Variants in MAX observed in about 807,000 individuals in gnomAD.
MAX encodes MYC associated transcriptional regulator X, also known as protein max.
A neutral mutation model predicts 22.3 loss-of-function variants in MAX; 3 were observed. The observed-to-expected ratio is 0.13, with a 90% CI of 0.06 to 0.35. The LOEUF is 0.35. MAX is among the 10% of genes least tolerant of loss of function. The pLI is 1.00. For synonymous variants in MAX, 72 were observed against 77.7 expected (o/e 0.93, Z 0.39); for missense variants, 119 against 209.4 (o/e 0.57, Z 2.66).
In MAX at chr14:65,101,611, AG is replaced by A. The variant is rs1373751420; in HGVS notation, c.37-40del. 4.1e-6 allele frequency: 6 copies of A among 1,465,250 alleles called. No homozygotes were observed. In the South Asian group the frequency reaches 7.2e-5, roughly 18 times the overall value. The allele number at this position is 1,465,250 out of a possible 1,614,324, so 90.8% of individuals were successfully genotyped here. ...GAAAAAAAAAAATAGAAAATATAGA[AG>A]TTATTTTTACACTTAACATTCAATA... On this transcript the variant is annotated intron_variant, in intron 1 of 4. Coordinates refer to ENST00000358664, the MANE Select transcript of MAX (RefSeq NM_002382.5).
chr14:65,022,616 C>T (rs1011657162), intron 3 of MAX, among the ~76,000 whole-genome samples: 1 of 151,996 alleles, frequency 6.6e-6, no homozygotes, highest in African/African-American at 2.4e-5. Flanking sequence ...ATCCTCCTGC[C>T]TTGGCCTCCC....
chr14:65,012,141 CT>C lies in MAX; in HGVS notation c.172-5858del. 2 of 654,736 alleles carry C rather than the reference CT, an allele frequency of 3.1e-6. No individual in the cohort carries two copies. Among genetic ancestry groups the C allele is most frequent in the Non-Finnish European group, 5.1e-6 (2 of 389,858 alleles). 40.6% of individuals were successfully genotyped at this position (654,736 alleles called of 1,614,324 possible). A position where few individuals can be genotyped will look rare whatever the true frequency, so the allele number is the denominator to read the frequency against. Reference sequence around the variant, plus strand: ...TTTAGAGACATTCAGACAAGAGCTTCTTTTCTCTGGTTTAGTTGCTCTTTGG... The same window carrying C: ...TTTAGAGACATTCAGACAAGAGCTTCTTTCTCTGGTTTAGTTGCTCTTTGG... On this transcript the variant is annotated intron_variant, in intron 3 of 3. Transcript: ENST00000341653. This position sits in a 1 kb window ranked among gnomAD's most constrained non-coding sequence, Gnocchi z 5.0.
At chr14:65,006,219 A>G in exon 4 of MAX, 1 of 1,613,542 alleles carries the variant, frequency 6.2e-7, no homozygotes, top group South Asian at 1.1e-5. Context: ...CATGGCAGAA[A>G]ACAGTTGGAA....
intron 2 of MAX, among the ~76,000 whole-genome samples, chr14:65,101,061 G>C (rs990487887): frequency 5.9e-5 from 9 of 152,138 alleles, no homozygotes; most frequent in Non-Finnish European, 2.9e-5. Flanking sequence ...TTTTGCATTA[G>C]AATACCATGT....
At chr14:65,006,335 T>G (rs1465305546) in intron 3 of MAX, 1 of 1,605,088 alleles carries the variant, frequency 6.2e-7, no homozygotes, top group Non-Finnish European at 8.5e-7. Context: ...AGTCTTTCCC[T>G]TAACTGCTAA....
rs1467762773 is a variant in MAX at position 65,084,600 on chromosome 14, T to C, written c.172-6564A>G. Among the ~76,000 whole-genome samples the C allele has an allele frequency of 6.6e-6, 1 of 152,162 alleles. No homozygotes were observed. The highest frequency in any genetic ancestry group is 1.9e-4 in the East Asian group (1 of 5,204). ...CAGAAATCCAACTTCTTGGAGTCTA[T>C]GGAAATGGCTACATATACAGAGATG... On this transcript the variant is annotated intron_variant, in intron 3 of 4. Transcript: ENST00000358664. This position sits in a 1 kb window ranked among gnomAD's most constrained non-coding sequence, Gnocchi z 4.3.
At chr14:65,048,697 TAAA>T (rs2062541175) in intron 3 of MAX, among the ~76,000 whole-genome samples, 1 of 149,308 alleles carries the variant, frequency 6.7e-6, no homozygotes, top group South Asian at 2.1e-4. Flanking sequence ...TACAAAAAAT[TAAA>T]AACAGTTAAC....
chr14:65,053,486 G>A (rs1387972120), intron 3 of MAX: 1 of 733,986 alleles, frequency 1.4e-6, no homozygotes, highest in Non-Finnish European at 1.9e-6. Flanking sequence ...GGTTGTATGG[G>A]AAAAAGCACC....
chr14:65,013,329 T>A (rs2061713554), intron 3 of MAX, among the ~76,000 whole-genome samples: 3 of 151,320 alleles, frequency 2.0e-5, no homozygotes, highest in African/African-American at 7.3e-5. Flanking sequence ...TGTTTCCTTT[T>A]TTTTTTTTCT....
chr14:65,046,596 A>G (rs1159383910), intron 3 of MAX, among the ~76,000 whole-genome samples: 1 of 152,084 alleles, frequency 6.6e-6, no homozygotes, highest in African/African-American at 2.4e-5. Flanking sequence ...TGGCTGGGAG[A>G]AGGCCTGTGT....
intron 3 of MAX, among the ~76,000 whole-genome samples, chr14:65,085,733 C>T (rs2139811175): frequency 1.3e-5 from 2 of 152,236 alleles, no homozygotes; most frequent in Admixed American, 1.3e-4. Context: ...AAGGGGGGAA[C>T]TCAGGAAATA....
At chr14:65,095,988 C>T (rs976494339) in intron 2 of MAX, among the ~76,000 whole-genome samples, 3 of 152,156 alleles carry the variant, frequency 2.0e-5, no homozygotes, top group Non-Finnish European at 2.9e-5. Context: ...ATTCACTGAG[C>T]TCTGAAAGGA....
At chr14:65,070,530 G>A (rs1354936440), downstream of MAX, among the ~76,000 whole-genome samples, 1 of 152,234 alleles carries the variant, frequency 6.6e-6, no homozygotes, top group Non-Finnish European at 1.5e-5. The surrounding 1 kb of genome is among the most constrained non-coding windows in gnomAD (Gnocchi z 4.4). Context: ...ATCTAGCACA[G>A]GGCGCAGGAG....
At position 65,033,033 on chromosome 14, in the gene MAX, C is replaced by G. The variant is rs139312294; in HGVS notation, c.172-26749G>C. On this transcript the variant is annotated intron_variant, in intron 3 of 3. Coordinates refer to the MAX transcript ENST00000341653. Reference sequence around the variant, plus strand: ...CCAGTAATTCCACTCCCACAGAAACCCTTGCACACACGAATGGGAGAGAGG... The same window carrying G: ...CCAGTAATTCCACTCCCACAGAAACGCTTGCACACACGAATGGGAGAGAGG... 8.5e-5 allele frequency among the ~76,000 whole-genome samples: 13 copies of G among 152,210 alleles called. No homozygotes were observed. In the East Asian group the frequency reaches 2.5e-3, roughly 29 times the overall value.
Position 65,077,887 on chromosome 14 carries a change from G to T in MAX, c.295+26C>A. Reference sequence around the variant, plus strand: ...ACCTGGCTGGAGCACAGCAGGGCCAGCTGCCCCACGAGCTCGGGTGCTCAC... The same window carrying T: ...ACCTGGCTGGAGCACAGCAGGGCCATCTGCCCCACGAGCTCGGGTGCTCAC... On this transcript the variant is annotated intron_variant, in intron 4 of 4. Coordinates refer to ENST00000358664, the MANE Select transcript of MAX (RefSeq NM_002382.5). This position sits in a 1 kb window ranked among gnomAD's most constrained non-coding sequence, Gnocchi z 6.3. The T allele has an allele frequency of 6.2e-7, 1 of 1,614,212 alleles. No homozygotes were observed. Among genetic ancestry groups the T allele is most frequent in the Middle Eastern group, 1.6e-4 (1 of 6,062 alleles).
Position 65,012,046 on chromosome 14 carries a change from G to A in MAX, c.172-5762C>T, listed in dbSNP as rs1328924174. On this transcript the variant is annotated intron_variant, in intron 3 of 3. Coordinates refer to the MAX transcript ENST00000341653. The surrounding 1 kb of genome is among the most constrained non-coding windows in gnomAD (Gnocchi z 5.0). The stretch of plus-strand genomic sequence containing the variant: ...TGCGTGTGCTCATTGCGGCTTTTCC[G>A]TTAGCCCAAAGTCACTGCCTTTAGG... 5.4e-6 allele frequency: 2 copies of A among 367,338 alleles called. No individual in the cohort carries two copies. Among genetic ancestry groups the A allele is most frequent in the Non-Finnish European group, 1.0e-5 (2 of 192,554 alleles). 22.8% of individuals were successfully genotyped at this position (367,338 alleles called of 1,614,324 possible).
intron 3 of MAX, among the ~76,000 whole-genome samples, chr14:65,050,731 C>T (rs1194746307): frequency 2.6e-5 from 4 of 152,228 alleles, no homozygotes; most frequent in Non-Finnish European, 5.9e-5. Flanking sequence ...AGCAGGGCTA[C>T]TCCACAGGGA....
rs943156801 is a variant in MAX at position 65,032,466 on chromosome 14, C to T, written c.172-26182G>A. On this transcript the variant is annotated intron_variant, in intron 3 of 3. Transcript: ENST00000341653. The surrounding 1 kb of genome is among the most constrained non-coding windows in gnomAD (Gnocchi z 5.0). ...ATGTCACACCTCTCAGTTGGAGACC[C>T]AGGAGGACTGACCGTGTGCCAAGAG... is the stretch of plus-strand genomic sequence containing the variant. 1.5e-5 allele frequency: 11 copies of T among 735,400 alleles called. No individual in the cohort carries two copies. Among genetic ancestry groups the T allele is most frequent in the Non-Finnish European group, 2.1e-6 (1 of 476,788 alleles). 45.6% of individuals were successfully genotyped at this position (735,400 alleles called of 1,614,324 possible).
At chr14:65,074,857 A>G (rs1050676402), downstream of MAX, among the ~76,000 whole-genome samples, 2 of 152,206 alleles carry the variant, frequency 1.3e-5, no homozygotes, top group African/African-American at 4.8e-5. Context: ...CAGAAACTAG[A>G]TCTAGAAATG....
Sources: allele counts gnomAD v4.1 joint callset (sites outside exome capture counted in the v4.1 genomes callset), GRCh38; gene constraint gnomAD v4.1.1; non-coding constraint Gnocchi (gnomAD v3.1); transcripts MANE v1.5; gene names NCBI Gene and HGNC (gene_info 2026-07-23, HGNC 2026-07-21).